TRIM22: variants seen among roughly 807,000 people sequenced by gnomAD.
The protein encoded by TRIM22 is tripartite motif containing 22, also known as E3 ubiquitin-protein ligase TRIM22.
TRIM22 carries 45 observed loss-of-function variants against 53.6 expected under a neutral mutation model. That is an observed-to-expected ratio of 0.84 (90% CI 0.66 to 1.08). The LOEUF (loss-of-function observed/expected upper bound fraction) is 1.08. Ranked by LOEUF, TRIM22 falls within the 50% of genes least tolerant of loss-of-function variation. The pLI, the probability that TRIM22 is intolerant of heterozygous loss-of-function variation, is 0.00. For synonymous variants in TRIM22, 225 were observed against 216.6 expected (o/e 1.04, Z -0.34); for missense variants, 616 against 590.9 (o/e 1.04, Z -0.44).
intron 3 of TRIM22, chr11:5,697,985 G>A (rs977390425): frequency 5.9e-5 from 15 of 254,806 alleles, no homozygotes; most frequent in African/African-American, 1.3e-4. Flanking sequence ...TTACAGGCAT[G>A]AGCCACTGTG....
At chr11:5,697,405 A>G in intron 3 of TRIM22, 62 bp downstream of exon 3, 2 of 1,227,680 alleles carry the variant, frequency 1.6e-6, no homozygotes, top group Non-Finnish European at 2.3e-6. Flanking sequence ...CCTGGGCTCT[A>G]TCACAAGGAG....
chr11:5,693,583 T>C (rs1246509445), intron 1 of TRIM22, among the ~76,000 whole-genome samples: 3 of 150,744 alleles, frequency 2.0e-5, no homozygotes, highest in South Asian at 2.1e-4. Context: ...ATCACCCGGG[T>C]GTGGTGGCGG....
At position 5,698,578 on chromosome 11, in the gene TRIM22, A is replaced by T. The variant is rs146174118; in HGVS notation, c.750+33A>T. 83 of 1,550,510 alleles carry T rather than the reference A, an allele frequency of 5.4e-5. No homozygotes were observed. The African/African-American group carries it at 9.9e-4, about 18-fold the overall frequency. On this transcript the variant is annotated intron_variant, in intron 4 of 7. Coordinates refer to ENST00000379965, the MANE Select transcript of TRIM22 (RefSeq NM_006074.5). ...TTGGGATGGAGCACCTACGTAAGAG[A>T]TTAGGGGAAAAACACAGAGGCCGAT...
chr11:5,704,956 G>A (rs1203196961), intron 4 of TRIM22, among the ~76,000 whole-genome samples: 1 of 152,176 alleles, frequency 6.6e-6, no homozygotes, highest in African/African-American at 2.4e-5. Flanking sequence ...AGACGTGGCA[G>A]ACAGCTGAGG....
chr11:5,690,513 A>G (rs2134168632), intron 1 of TRIM22, among the ~76,000 whole-genome samples: 1 of 152,274 alleles, frequency 6.6e-6, no homozygotes, highest in African/African-American at 2.4e-5. Flanking sequence ...CAAAATAAGG[A>G]AAGGAATGTG....
Position 5,710,377 on chromosome 11 carries a change from GAAGA to G in TRIM22, c.*734_*737del, listed in dbSNP as rs1320163990. ...CATTTCCTCTGCCCCTTAAAAGATT[GAAGA>G]AAGAGAAACTTGTCAACTCATATCC... On this transcript the variant is annotated 3_prime_UTR_variant, in exon 8 of 8. Transcript: ENST00000379965. 1 of 152,066 alleles carries G rather than the reference GAAGA, an allele frequency of 6.6e-6. No homozygotes were observed. Among genetic ancestry groups the G allele is most frequent in the Admixed American group, 6.5e-5 (1 of 15,272 alleles). 9.4% of individuals were successfully genotyped at this position (152,066 alleles called of 1,614,324 possible).
intron 1 of TRIM22, among the ~76,000 whole-genome samples, chr11:5,691,488 C>T (rs138298532): frequency 0.068 from 10,360 of 152,228 alleles, 440 homozygotes; most frequent in Non-Finnish European, 0.093. Context: ...GGTGTGGCCC[C>T]GGGCTGTCTG....
intron 1 of TRIM22, among the ~76,000 whole-genome samples, chr11:5,693,329 C>A (rs1329061865): frequency 6.6e-6 from 1 of 151,894 alleles, no homozygotes; most frequent in Non-Finnish European, 1.5e-5. Flanking sequence ...TTCGCACCAC[C>A]TTCAAAGGGG....
intron 4 of TRIM22, among the ~76,000 whole-genome samples, chr11:5,701,335 A>G (rs1302643933): frequency 6.6e-6 from 1 of 152,184 alleles, no homozygotes; most frequent in African/African-American, 2.4e-5. Context: ...AAAACCCACT[A>G]AGCCTATTTT....
At chr11:5,697,587 G>A (rs7935929) in intron 3 of TRIM22, 214,874 of 408,242 alleles carry the variant, frequency 0.53, 59,455 homozygotes, top group Non-Finnish European at 0.58. Flanking sequence ...AACGCTTCCT[G>A]TGAATCCTGT....
intron 1 of TRIM22, among the ~76,000 whole-genome samples, chr11:5,693,385 C>G (rs184379450): frequency 4.0e-5 from 6 of 151,856 alleles, no homozygotes; most frequent in Admixed American, 2.0e-4. Flanking sequence ...TGTCTTAGGT[C>G]GGAAGGGTTT....
At position 5,709,096 on chromosome 11, in the gene TRIM22, T is replaced by C. The variant is rs775710878; in HGVS notation, c.945T>C (p.Ala315=). 12 of 1,614,128 alleles carry C rather than the reference T, an allele frequency of 7.4e-6. No individual in the cohort carries two copies. The South Asian group carries it at 1.1e-4, about 15-fold the overall frequency. ...LNPGSATSNV[A]ISVDQRQVKT... ...CAGGCAGTGCCACTTCGAATGTTGC[T>C]ATTTCTGTGGATCAGAGACAAGTGA... Residue 315 remains alanine, a synonymous_variant, in exon 8 of 8, where the codon GCT becomes GCC. Coordinates refer to ENST00000379965, the MANE Select transcript of TRIM22 (RefSeq NM_006074.5).
At position 5,709,639 on chromosome 11, in the gene TRIM22, G is replaced by C; in HGVS notation, c.1488G>C (p.Pro496=). 1 of 1,602,350 alleles carries C rather than the reference G, an allele frequency of 6.2e-7. No homozygotes were observed. Among genetic ancestry groups the C allele is most frequent in the Non-Finnish European group, 8.5e-7 (1 of 1,177,960 alleles). The part of the protein sequence containing the change: ...NCLVPMTVCP[P]SS Reference sequence around the variant, plus strand: ...TAGTCCCCATGACTGTGTGCCCACCGAGCTCCTGAGTGTTCTCATTCCTTT... The same window carrying C: ...TAGTCCCCATGACTGTGTGCCCACCCAGCTCCTGAGTGTTCTCATTCCTTT... Residue 496 remains proline, a synonymous_variant, in exon 8 of 8, where the codon CCG becomes CCC. Coordinates refer to ENST00000379965, the MANE Select transcript of TRIM22 (RefSeq NM_006074.5).
chr11:5,699,895 T>G (rs1215161326), intron 4 of TRIM22, among the ~76,000 whole-genome samples: 5 of 152,082 alleles, frequency 3.3e-5, no homozygotes, highest in African/African-American at 1.2e-4. Context: ...TTGGTGCTAT[T>G]GTAATTTTTT....
In TRIM22 at chr11:5,696,162, C is replaced by A; in HGVS notation, c.-66-5C>A. ...TTCTTACCCTGTCCCCTTCAACATT[C>A]TCAGCACTGCAGGAGTTTGTGACCA... On this transcript the variant is annotated splice_region_variant and splice_polypyrimidine_tract_variant and intron_variant, in intron 1 of 7. Coordinates refer to ENST00000379965, the MANE Select transcript of TRIM22 (RefSeq NM_006074.5). The A allele has an allele frequency of 7.0e-7, 1 of 1,433,454 alleles. No homozygotes were observed. The highest frequency in any genetic ancestry group is 9.5e-7 in the Non-Finnish European group (1 of 1,054,176). 88.8% of individuals were successfully genotyped at this position (1,433,454 alleles called of 1,614,324 possible). A position where few individuals can be genotyped will look rare whatever the true frequency, so the allele number is the denominator to read the frequency against.
chr11:5,700,222 A>C (rs1035669357), intron 4 of TRIM22, among the ~76,000 whole-genome samples: 1 of 151,956 alleles, frequency 6.6e-6, no homozygotes, highest in African/African-American at 2.4e-5. Context: ...TCTCAGGTTC[A>C]AATAATTCTC....
intron 5 of TRIM22, among the ~76,000 whole-genome samples, chr11:5,707,314 C>A (rs1230567093): frequency 6.6e-6 from 1 of 152,030 alleles, no homozygotes; most frequent in Non-Finnish European, 1.5e-5. Context: ...ATTGGGATAA[C>A]AGATTTTGGA....
intron 4 of TRIM22, among the ~76,000 whole-genome samples, chr11:5,698,806 G>T (rs545191739): frequency 1.4e-4 from 21 of 152,276 alleles, no homozygotes; most frequent in Admixed American, 1.4e-3. Flanking sequence ...TTTGTACCAT[G>T]AGCATATCAG....
Position 5,709,635 on chromosome 11 carries a change from C to T in TRIM22, c.1484C>T (p.Pro495Leu). 6.2e-7 allele frequency: 1 copy of T among 1,603,732 alleles called. No individual in the cohort carries two copies. Among genetic ancestry groups the T allele is most frequent in the Non-Finnish European group, 8.5e-7 (1 of 1,178,408 alleles). Residue 495 changes from proline (P) to leucine (L), a missense_variant, in exon 8 of 8, where the codon CCA becomes CTA. Pro to Leu is a moderately conservative substitution (Grantham distance 98, BLOSUM62 -3). Transcript: ENST00000379965. ...TGCCTAGTCCCCATGACTGTGTGCCCACCGAGCTCCTGAGTGTTCTCATTC... is the reference window on the plus strand; with the variant it reads ...TGCCTAGTCCCCATGACTGTGTGCCTACCGAGCTCCTGAGTGTTCTCATTC... ...WNCLVPMTVC[P>L]PSS
Sources: gnomAD v4.1 joint callset for allele counts (sites outside exome capture counted in the v4.1 genomes callset) on GRCh38, gnomAD v4.1.1 for gene constraint, MANE v1.5 for transcripts, NCBI Gene and HGNC (gene_info 2026-07-23, HGNC 2026-07-21) for gene names.